MYH15: variants seen among roughly 807,000 people sequenced by gnomAD.
The protein encoded by MYH15 is myosin heavy chain 15, also known as myosin-15.
MYH15 carries 227 observed loss-of-function variants against 240.5 expected under a neutral mutation model. The observed-to-expected ratio is 0.94, with a 90% CI of 0.85 to 1.05. The LOEUF is 1.05. Ranked by LOEUF, MYH15 falls within the 50% of genes least tolerant of loss-of-function variation. The probability of loss-of-function intolerance (pLI) is 0.00; values close to 1 mark genes in which losing one functional copy is unlikely to be tolerated. For synonymous variants in MYH15, 785 were observed against 796.7 expected (o/e 0.99, Z 0.25); for missense variants, 2,217 against 2,247.5 (o/e 0.99, Z 0.27).
At chr3:108,393,806 G>A (rs920886142) in intron 36 of MYH15, among the ~76,000 whole-genome samples, 2 of 152,216 alleles carry the variant, frequency 1.3e-5, no homozygotes, top group African/African-American at 4.8e-5. Context: ...TTTGCTTATA[G>A]CAATTCAACT....
chr3:108,436,419 T>G (rs927998446), intron 25 of MYH15, among the ~76,000 whole-genome samples: 1 of 152,220 alleles, frequency 6.6e-6, no homozygotes, highest in African/African-American at 2.4e-5. Flanking sequence ...GAGTCAAGCC[T>G]CACCAAGAGC....
rs746631219 is a variant in MYH15 at position 108,505,803 on chromosome 3, C to T, written c.115G>A (p.Gly39Ser). ...DGKKKCWIPD[G>S]ENAYIEAEVK... ...TCAGCCTCGATATAAGCATTCTCAC[C>T]ATCAGGAATCCAGCATTTCTTCTTC... The change falls in exon 2 of 41, where the codon GGT (glycine) becomes AGT (serine). Residue 39 changes from glycine (G) to serine (S), a missense_variant. Coordinates refer to ENST00000693548, the MANE Select transcript of MYH15 (RefSeq NM_014981.3). The T allele has an allele frequency of 6.2e-7, 1 of 1,609,272 alleles. No homozygotes were observed. The highest frequency in any genetic ancestry group is 1.1e-5 in the South Asian group (1 of 90,684).
chr3:108,441,749 G>A (rs2082886731), intron 22 of MYH15, among the ~76,000 whole-genome samples: 1 of 152,202 alleles, frequency 6.6e-6, no homozygotes, highest in Non-Finnish European at 1.5e-5. Flanking sequence ...ATTGAGCTGA[G>A]TCATATGTTT....
At chr3:108,507,228 T>A (rs1418433459) in intron 1 of MYH15, among the ~76,000 whole-genome samples, 1 of 4,492 alleles carries the variant, frequency 2.2e-4, no homozygotes, top group African/African-American at 5.1e-4. Flanking sequence ...GGAAAATGAA[T>A]ATATATATAT....
rs552830002 is a variant in MYH15 at position 108,502,912 on chromosome 3, T to A, written c.196-1057A>T. 2.6e-4 allele frequency among the ~76,000 whole-genome samples: 39 copies of A among 152,242 alleles called. No individual in the cohort carries two copies. The South Asian group carries it at 7.3e-3, about 28-fold the overall frequency. ...CAAACCCATGCAGAACGTAAACATA[T>A]CTCATACATCTTCAAAAACCTCCCC... On this transcript the variant is annotated intron_variant, in intron 2 of 40. Coordinates refer to ENST00000693548, the MANE Select transcript of MYH15 (RefSeq NM_014981.3).
rs1011739529 is a variant in MYH15 at position 108,459,368 on chromosome 3, T to A, written c.2014A>T (p.Ile672Leu). Residue 672 changes from isoleucine (I) to leucine (L), a missense_variant, in exon 18 of 41, where the codon ATA becomes TTA. Ile to Leu is a conservative substitution (Grantham distance 5). Transcript: ENST00000693548. ...AAAGAAATCTAGTTCTTACCTGGTATTTTGTTCACATTGGGATTTATGCAT... is the reference window on the plus strand; with the variant it reads ...AAAGAAATCTAGTTCTTACCTGGTAATTTGTTCACATTGGGATTTATGCAT... ...VRCINPNVNK[I>L]PGILDPYLVL... 2.5e-6 allele frequency: 4 copies of A among 1,581,548 alleles called. No individual in the cohort carries two copies. The highest frequency in any genetic ancestry group is 3.4e-6 in the Non-Finnish European group (4 of 1,159,810).
intron 28 of MYH15, among the ~76,000 whole-genome samples, chr3:108,420,709 T>C (rs2082675941): frequency 6.6e-6 from 1 of 152,172 alleles, no homozygotes; most frequent in East Asian, 1.9e-4. Flanking sequence ...AAGAGAGATG[T>C]AGATTCATTA....
intron 27 of MYH15, among the ~76,000 whole-genome samples, chr3:108,426,971 T>C (rs1322565925): frequency 1.3e-5 from 2 of 152,264 alleles, no homozygotes; most frequent in Admixed American, 6.5e-5. Flanking sequence ...ACCTCTTTTT[T>C]CTTTCTGATT....
At chr3:108,429,287 T>A (rs2082755972) in intron 26 of MYH15, among the ~76,000 whole-genome samples, 1 of 152,204 alleles carries the variant, frequency 6.6e-6, no homozygotes, top group African/African-American at 2.4e-5. Context: ...TATCTAGGAC[T>A]TGGGCAAAAA....
chr3:108,402,239 G>C lies in MYH15; in HGVS notation c.4737-2972C>G, dbSNP rs994484134. Among the ~76,000 whole-genome samples, 4 of 152,150 alleles carry C rather than the reference G, an allele frequency of 2.6e-5. No homozygotes were observed. In the East Asian group the frequency reaches 5.8e-4, roughly 22 times the overall value. ...AAGACACTCGAAAATATTTTACTTA[G>C]AAGTGAGAAAAGATTTGAGCATATT... On this transcript the variant is annotated intron_variant, in intron 33 of 40. Transcript: ENST00000693548.
rs983405322 is a variant in MYH15, at chr3:108,454,111, A to C, written c.2294T>G (p.Leu765Arg). 4 of 1,611,182 alleles carry C rather than the reference A, an allele frequency of 2.5e-6. No individual in the cohort carries two copies. The highest frequency in any genetic ancestry group is 3.4e-6 in the Non-Finnish European group (4 of 1,178,086). ...TAGTCTCTCATCTCTTATTGCTTCC[A>C]GTTGGCCCAGAAACCCAGCTTTAAA... ...VFFKAGFLGQLEAIRDERLSK... is the reference protein window; with the variant it reads ...VFFKAGFLGQREAIRDERLSK... The change falls in exon 21 of 41, where the codon CTG (leucine) becomes CGG (arginine). Residue 765 changes from leucine (L) to arginine (R), a missense_variant. Transcript: ENST00000693548.
Position 108,441,182 on chromosome 3 carries a change from T to A in MYH15, c.2734A>T (p.Lys912Ter). Residue 912 changes from lysine to a stop codon, truncating the protein, a stop_gained, in exon 23 of 41, where the codon AAG (lysine) becomes TAG (stop). Transcript: ENST00000693548. LOFTEE classifies it high-confidence loss of function. ...KSKIQLEARV[K>*]ELSERVEEEE... ...TCCTCCACCCTCTCCGACAGCTCCT[T>A]TACTCTGGCCTCCAGCTGGATCTTG... 2 of 1,614,130 alleles carry A rather than the reference T, an allele frequency of 1.2e-6. No individual in the cohort carries two copies. Among genetic ancestry groups the A allele is most frequent in the Non-Finnish European group, 1.7e-6 (2 of 1,179,988 alleles).
At chr3:108,444,077 G>A (rs2082907297) in intron 22 of MYH15, among the ~76,000 whole-genome samples, 1 of 150,516 alleles carries the variant, frequency 6.6e-6, no homozygotes, top group African/African-American at 2.4e-5. Context: ...CAGCACACCA[G>A]CATGGCACGT....
intron 1 of MYH15, among the ~76,000 whole-genome samples, chr3:108,522,780 C>T (rs997320125): frequency 2.6e-5 from 4 of 152,044 alleles, no homozygotes; most frequent in South Asian, 2.1e-4. Context: ...ATAATTCATA[C>T]GATGGTGTTT....
chr3:108,414,380 C>A lies in MYH15; in HGVS notation c.3997G>T (p.Asp1333Tyr). The A allele has an allele frequency of 6.2e-7, 1 of 1,614,178 alleles. No homozygotes were observed. The highest frequency in any genetic ancestry group is 1.1e-5 in the South Asian group (1 of 91,066). The change falls in exon 30 of 41, where the codon GAC (aspartate) becomes TAC (tyrosine). Residue 1333 changes from aspartate (D) to tyrosine (Y), a missense_variant. Physicochemically the swap from Asp to Tyr is radical, Grantham distance 160. Transcript: ENST00000693548. ...TCCTCATACTGCTCTCGTAGAAGGT[C>A]ACAGTCACGCTGAGCCTTCTGCAGG... The part of the protein sequence containing the change: ...HALQKAQRDC[D>Y]LLREQYEEEQ...
At chr3:108,384,388 C>A (rs1163276652) in intron 39 of MYH15, among the ~76,000 whole-genome samples, 1 of 152,104 alleles carries the variant, frequency 6.6e-6, no homozygotes, top group Non-Finnish European at 1.5e-5. Flanking sequence ...ACTACCTTGC[C>A]CAAAACTGGC....
At chr3:108,433,530 T>C (rs2082798719) in intron 25 of MYH15, among the ~76,000 whole-genome samples, 1 of 152,158 alleles carries the variant, frequency 6.6e-6, no homozygotes, top group South Asian at 2.1e-4. Context: ...TTTGGCTGTG[T>C]CCCCATCCAA....
chr3:108,476,343 T>C, intron 12 of MYH15, 54 bp downstream of exon 12: 1 of 1,128,216 alleles, frequency 8.9e-7, no homozygotes, highest in Non-Finnish European at 1.3e-6. Flanking sequence ...GTACAATATA[T>C]ATACAATTAT....
chr3:108,482,042 G>T (rs1378324232), intron 11 of MYH15, among the ~76,000 whole-genome samples: 1 of 152,128 alleles, frequency 6.6e-6, no homozygotes, highest in Non-Finnish European at 1.5e-5. Flanking sequence ...GGAGGCTGTA[G>T]TAAGAAACGG....
Sources: allele counts gnomAD v4.1 joint callset (sites outside exome capture counted in the v4.1 genomes callset), GRCh38; gene constraint gnomAD v4.1.1; transcripts MANE v1.5; gene names NCBI Gene and HGNC (gene_info 2026-07-23, HGNC 2026-07-21).